Variants in PLA2G4A observed in about 807,000 individuals in gnomAD.
PLA2G4A encodes cytosolic phospholipase A2.
PLA2G4A carries 40 observed loss-of-function variants against 81.9 expected under a neutral mutation model. That is an observed-to-expected ratio of 0.49 (90% CI 0.38 to 0.64). The LOEUF (loss-of-function observed/expected upper bound fraction) is 0.64. PLA2G4A is among the 30% of genes least tolerant of loss of function. The pLI, the probability that PLA2G4A is intolerant of heterozygous loss-of-function variation, is 0.00. For synonymous variants in PLA2G4A, 302 were observed against 296.9 expected, an observed-to-expected ratio of 1.02 and a Z score of -0.18; for missense variants, 715 against 905.1, an observed-to-expected ratio of 0.79 and a Z score of 2.69.
rs188333774 is a variant in PLA2G4A at position 186,974,701 on chromosome 1, T to C, written c.1765-2892T>C. Among the ~76,000 whole-genome samples the C allele has an allele frequency of 3.9e-5, 6 of 152,340 alleles. No individual in the cohort carries two copies. In the East Asian group the frequency reaches 9.6e-4, roughly 24 times the overall value. ...CACAATTCCGGCATATCGCTGTAAT[T>C]TGTGGAGCAGCAATTTTTTTGTTCA... On this transcript the variant is annotated intron_variant, in intron 15 of 17. Transcript: ENST00000367466.
intron 2 of PLA2G4A, among the ~76,000 whole-genome samples, chr1:186,862,187 C>G (rs960549141): frequency 2.7e-5 from 4 of 147,698 alleles, no homozygotes; most frequent in Non-Finnish European, 5.9e-5. Flanking sequence ...ATTGTAAATG[C>G]CTTTCTGACT....
intron 1 of PLA2G4A, among the ~76,000 whole-genome samples, chr1:186,829,776 G>A (rs1014025222): frequency 2.0e-5 from 3 of 152,156 alleles, no homozygotes; most frequent in African/African-American, 7.2e-5. Context: ...GTGGATGAAT[G>A]TATCTGTCTC....
chr1:186,887,653 C>T (rs576974603), intron 3 of PLA2G4A, among the ~76,000 whole-genome samples: 34 of 152,218 alleles, frequency 2.2e-4, no homozygotes, highest in South Asian at 4.1e-4. Context: ...TGACTCAACA[C>T]GCAATTGCCC....
chr1:186,939,319 C>A lies in PLA2G4A; in HGVS notation c.918+89C>A, dbSNP rs575000961. The A allele has an allele frequency of 2.4e-5, 14 of 589,016 alleles. No individual in the cohort carries two copies. The East Asian group carries it at 4.4e-4, about 19-fold the overall frequency. 36.5% of individuals were successfully genotyped at this position (589,016 alleles called of 1,614,324 possible). On this transcript the variant is annotated intron_variant, in intron 9 of 17. Coordinates refer to ENST00000367466, the MANE Select transcript of PLA2G4A (RefSeq NM_024420.3). ...ATTTTAAATAAAAGAAAATGTAATACATTTTATAAAAGTCAGTGGACTCTA... is the reference window on the plus strand; with the variant it reads ...ATTTTAAATAAAAGAAAATGTAATAAATTTTATAAAAGTCAGTGGACTCTA...
intron 8 of PLA2G4A, among the ~76,000 whole-genome samples, chr1:186,933,189 A>T (rs1263894059): frequency 6.6e-6 from 1 of 152,176 alleles, no homozygotes; most frequent in African/African-American, 2.4e-5. Flanking sequence ...ATAAAAATAG[A>T]AGTGGAACAA....
chr1:186,888,773 C>A (rs1386406844), intron 3 of PLA2G4A, among the ~76,000 whole-genome samples: 1 of 152,068 alleles, frequency 6.6e-6, no homozygotes, highest in Admixed American at 6.6e-5. Context: ...GCATGCCTCC[C>A]CTTCCCACAC....
chr1:186,858,068 C>G (rs546485996), intron 2 of PLA2G4A, among the ~76,000 whole-genome samples: 22 of 152,228 alleles, frequency 1.4e-4, no homozygotes, highest in African/African-American at 4.1e-4. Flanking sequence ...AATAAACATA[C>G]ATGTGCATGT....
chr1:186,858,079 G>T (rs1652655993), intron 2 of PLA2G4A, among the ~76,000 whole-genome samples: 1 of 152,218 alleles, frequency 6.6e-6, no homozygotes, highest in Non-Finnish European at 1.5e-5. Context: ...ATGTGCATGT[G>T]TCTTTATAGT....
At chr1:186,920,070 A>T (rs1655291915) in intron 7 of PLA2G4A, among the ~76,000 whole-genome samples, 2 of 152,100 alleles carry the variant, frequency 1.3e-5, no homozygotes, top group South Asian at 4.1e-4. Context: ...GTCCCGGAGG[A>T]TTATCATTTG....
intron 2 of PLA2G4A, among the ~76,000 whole-genome samples, 182 bp from the exon 3 acceptor site, chr1:186,870,253 C>G (rs1653208037): frequency 6.6e-6 from 1 of 152,076 alleles, no homozygotes; most frequent in Non-Finnish European, 1.5e-5. Context: ...AAGGCACAAT[C>G]TAAACTCAAT....
At chr1:186,937,794 G>T (rs1289073097) in intron 8 of PLA2G4A, among the ~76,000 whole-genome samples, 1 of 151,286 alleles carries the variant, frequency 6.6e-6, no homozygotes, top group Non-Finnish European at 1.5e-5. Context: ...GTTATAAACT[G>T]GGGAATATGA....
intron 7 of PLA2G4A, among the ~76,000 whole-genome samples, chr1:186,922,459 C>T (rs1305890465): frequency 6.6e-6 from 1 of 152,180 alleles, no homozygotes; most frequent in African/African-American, 2.4e-5. Flanking sequence ...TGGTGTTCAG[C>T]CACTGTGTTG....
intron 3 of PLA2G4A, among the ~76,000 whole-genome samples, chr1:186,882,702 G>A (rs1653780889): frequency 6.6e-6 from 1 of 152,104 alleles, no homozygotes; most frequent in African/African-American, 2.4e-5. Flanking sequence ...CAGAAGGATA[G>A]TTGTGGTTGC....
chr1:186,836,289 A>T (rs1651773113), intron 1 of PLA2G4A, among the ~76,000 whole-genome samples: 1 of 150,964 alleles, frequency 6.6e-6, no homozygotes, highest in South Asian at 2.1e-4. Context: ...ATTACATATA[A>T]TATACCTTAA....
chr1:186,878,834 A>G (rs1653621116), intron 3 of PLA2G4A, among the ~76,000 whole-genome samples: 1 of 151,914 alleles, frequency 6.6e-6, no homozygotes, highest in African/African-American at 2.4e-5. Context: ...ACCATATGCC[A>G]CTTCTGTAGA....
At chr1:186,868,516 G>A (rs1313713697) in intron 2 of PLA2G4A, among the ~76,000 whole-genome samples, 1 of 152,182 alleles carries the variant, frequency 6.6e-6, no homozygotes, top group African/African-American at 2.4e-5. Flanking sequence ...TGGAATTAGG[G>A]TAATGGTGGC....
chr1:186,927,270 G>A (rs1655580655), intron 7 of PLA2G4A, among the ~76,000 whole-genome samples: 3 of 152,154 alleles, frequency 2.0e-5, no homozygotes, highest in Admixed American at 2.0e-4. Context: ...TGTTAGAACA[G>A]TGTCTCTAAT....
In PLA2G4A at chr1:186,849,331, C is replaced by T. The variant is rs76947099; in HGVS notation, c.-69-4955C>T. Among the ~76,000 whole-genome samples the T allele has an allele frequency of 1.4e-3, 212 of 152,058 alleles. 3 individuals are homozygous for T. The East Asian group carries it at 0.039, about 28-fold the overall frequency. On this transcript the variant is annotated intron_variant, in intron 1 of 17. Coordinates refer to ENST00000367466, the MANE Select transcript of PLA2G4A (RefSeq NM_024420.3). ...GTTCTCCCAGGAAAGACAGACATTG[C>T]GTCAGTGGAATGAAAGGCTTGAAGG...
At chr1:186,939,957 C>G (rs572232578) in intron 9 of PLA2G4A, 23 bp from the exon 10 acceptor site, 1 of 1,081,062 alleles carries the variant, frequency 9.3e-7, no homozygotes, top group African/African-American at 1.5e-5. Context: ...TTAAAGTCAT[C>G]TTTTTCTTTC....
Sources: gnomAD v4.1 joint callset for allele counts (sites outside exome capture counted in the v4.1 genomes callset) on GRCh38, gnomAD v4.1.1 for gene constraint, MANE v1.5 for transcripts, NCBI Gene and HGNC (gene_info 2026-07-23, HGNC 2026-07-21) for gene names.